The following DOCK5 variants were observed in gnomAD, a reference collection of about 807,000 sequenced individuals.
DOCK5 encodes the protein dedicator of cytokinesis protein 5.
DOCK5 carries 142 observed loss-of-function variants against 251.8 expected under a neutral mutation model. The ratio of observed to expected loss-of-function variants is 0.56; its 90% CI spans 0.49 to 0.65. DOCK5 has a LOEUF of 0.65. DOCK5 is among the 30% of genes least tolerant of loss of function. DOCK5 has a pLI of 0.00. For synonymous variants in DOCK5, 842 were observed against 835.5 expected, an observed-to-expected ratio of 1.01 and a Z score of -0.13; for missense variants, 2,111 against 2,312.3, an observed-to-expected ratio of 0.91 and a Z score of 1.79.
At chr8:25,227,678 G>A (rs909625877) in intron 1 of DOCK5, among the ~76,000 whole-genome samples, 18 of 152,020 alleles carry the variant, frequency 1.2e-4, no homozygotes, top group African/African-American at 3.9e-4. Flanking sequence ...GTCCAAGTGA[G>A]GTTCTAATCC....
At chr8:25,195,735 C>T (rs919360223) in intron 1 of DOCK5, among the ~76,000 whole-genome samples, 2 of 152,164 alleles carry the variant, frequency 1.3e-5, no homozygotes, top group Non-Finnish European at 2.9e-5. Context: ...ATGATCCCAC[C>T]TCCTTGCTGA....
chr8:25,280,245 G>A (rs1449115314), intron 5 of DOCK5, among the ~76,000 whole-genome samples: 1 of 152,160 alleles, frequency 6.6e-6, no homozygotes, highest in Admixed American at 6.5e-5. Context: ...GACCAGACTT[G>A]ATGGCCTGGG....
intron 47 of DOCK5, among the ~76,000 whole-genome samples, chr8:25,402,548 G>A (rs1471368940): frequency 2.6e-5 from 4 of 151,608 alleles, no homozygotes; most frequent in East Asian, 1.9e-4. Context: ...CGCCTGCCTC[G>A]GCCTCCCAAA....
rs138581420 is a variant in DOCK5 at position 25,364,243 on chromosome 8, T to C, written c.3045-383T>C. Among the ~76,000 whole-genome samples, 138 of 152,340 alleles carry C rather than the reference T, an allele frequency of 9.1e-4. 1 individual carries two copies. In the Middle Eastern group the frequency reaches 0.017, roughly 19 times the overall value. On this transcript the variant is annotated intron_variant, in intron 29 of 51. Coordinates refer to ENST00000276440, the MANE Select transcript of DOCK5 (RefSeq NM_024940.8). The stretch of plus-strand genomic sequence containing the variant: ...GAGTAATTCTACTCTAACACCTGAT[T>C]AGAAGAAGCCTTCTCTGCTATGTAC...
At chr8:25,385,852 ATACAG>A (rs1302551408) in intron 40 of DOCK5, among the ~76,000 whole-genome samples, 7 of 152,216 alleles carry the variant, frequency 4.6e-5, no homozygotes, top group African/African-American at 1.7e-4. Context: ...ACAATTTTAA[ATACAG>A]TAAACAAGAA....
At position 25,396,263 on chromosome 8, in the gene DOCK5, C is replaced by T. The variant is rs767422034; in HGVS notation, c.4704+544C>T. On this transcript the variant is annotated intron_variant, in intron 45 of 51. Transcript: ENST00000276440. ...GGCATGATGGTGCATGCCTGTAGTC[C>T]GAGCTACTCAGGAGGCTGAGGCACG... Among the ~76,000 whole-genome samples, 6 of 152,260 alleles carry T rather than the reference C, an allele frequency of 3.9e-5. No homozygotes were observed. In the East Asian group the frequency reaches 5.8e-4, roughly 15 times the overall value.
chr8:25,384,466 T>TACTTA (rs111515435), intron 40 of DOCK5, among the ~76,000 whole-genome samples: 1 of 129,990 alleles, frequency 7.7e-6, no homozygotes, highest in Non-Finnish European at 1.6e-5. Context: ...TTTATTTATT[T>TACTTA]TTTTTTTTTT....
In DOCK5 at chr8:25,350,673, G is replaced by A. The variant is rs893308066; in HGVS notation, c.2755-1058G>A. ...GAGTTTCTGAGATCAGGGTGCCAGC[G>A]TGGTTAAGTTTTGGTTAGGTCTCTC... On this transcript the variant is annotated intron_variant, in intron 26 of 51. Coordinates refer to ENST00000276440, the MANE Select transcript of DOCK5 (RefSeq NM_024940.8). 5.3e-5 allele frequency among the ~76,000 whole-genome samples: 8 copies of A among 152,194 alleles called. No homozygotes were observed. The East Asian group carries it at 1.2e-3, about 22-fold the overall frequency.
rs17053341 is a variant in DOCK5, at chr8:25,299,086, A to G, written c.749A>G (p.Gln250Arg). 10,691 of 1,612,994 alleles carry G rather than the reference A, an allele frequency of 6.6e-3. 616 individuals carry two copies. In the African/African-American group the frequency reaches 0.12, roughly 19 times the overall value. Reference protein sequence around the residue: ...ELFMALYDPDQSTFISENYLI... With the variant: ...ELFMALYDPDRSTFISENYLI... ...TTTATGGCCCTCTACGACCCAGACC[A>G]GTCCACTTTTATCAGGTAGCAGAGA... The change falls in exon 8 of 52, where the codon CAG (glutamine) becomes CGG (arginine). Residue 250 changes from glutamine (Q) to arginine (R), a missense_variant. Transcript: ENST00000276440.
chr8:25,243,160 C>T (rs1338804798), intron 1 of DOCK5, among the ~76,000 whole-genome samples: 3 of 152,146 alleles, frequency 2.0e-5, no homozygotes, highest in African/African-American at 7.2e-5. Context: ...ATGTGATTTG[C>T]CCCTCTATCA....
intron 7 of DOCK5, 112 bp downstream of exon 7, chr8:25,296,760 C>A: frequency 7.2e-7 from 1 of 1,385,554 alleles, no homozygotes; most frequent in Non-Finnish European, 9.8e-7. Flanking sequence ...AGTTTTCGTC[C>A]TCATTTTAAA....
chr8:25,188,692 A>G (rs1277364460), intron 1 of DOCK5, among the ~76,000 whole-genome samples: 2 of 152,306 alleles, frequency 1.3e-5, no homozygotes, highest in East Asian at 1.9e-4. Context: ...TCTGTGTGTT[A>G]TCAAGTGAAG....
At chr8:25,223,701 G>A (rs1802449815) in intron 1 of DOCK5, among the ~76,000 whole-genome samples, 2 of 152,230 alleles carry the variant, frequency 1.3e-5, no homozygotes, top group African/African-American at 4.8e-5. Context: ...TTATTGTCAA[G>A]AGAGGTAACT....
At chr8:25,334,291 T>A (rs1805749632) in intron 21 of DOCK5, 95 bp downstream of exon 21, 1 of 1,003,812 alleles carries the variant, frequency 1.0e-6, no homozygotes, top group Admixed American at 1.8e-5. Flanking sequence ...CTATTACTAT[T>A]CAGTAAATAC....
intron 48 of DOCK5, among the ~76,000 whole-genome samples, chr8:25,406,701 C>T (rs1199906675): frequency 3.3e-5 from 5 of 151,772 alleles, no homozygotes; most frequent in East Asian, 1.9e-4. Flanking sequence ...AATCTCGGCT[C>T]GCTGCAACCT....
intron 14 of DOCK5, among the ~76,000 whole-genome samples, chr8:25,318,592 CT>C (rs546657586): frequency 0.027 from 2,386 of 88,184 alleles, 40 homozygotes; most frequent in Non-Finnish European, 0.037. Context: ...TTCTTTCCTT[CT>C]TTTTTTTTTT....
chr8:25,265,862 A>G (rs1803731617), intron 2 of DOCK5, among the ~76,000 whole-genome samples: 1 of 151,852 alleles, frequency 6.6e-6, no homozygotes, highest in Non-Finnish European at 1.5e-5. Flanking sequence ...GATTTAAAGT[A>G]AATAATTTTG....
chr8:25,366,866 A>G lies in DOCK5; in HGVS notation c.3124-4A>G. The G allele has an allele frequency of 1.2e-6, 2 of 1,611,684 alleles. No homozygotes were observed. Among genetic ancestry groups the G allele is most frequent in the Non-Finnish European group, 1.7e-6 (2 of 1,178,436 alleles). On this transcript the variant is annotated splice_polypyrimidine_tract_variant and splice_region_variant and intron_variant, in intron 30 of 51. Transcript: ENST00000276440. Reference sequence around the variant, plus strand: ...CCTTTACCCACACAATTAATTTTGAACAGCTCTGGAACAATTACTTCCATT... The same window carrying G: ...CCTTTACCCACACAATTAATTTTGAGCAGCTCTGGAACAATTACTTCCATT...
At chr8:25,252,495 C>T (rs902281576) in intron 2 of DOCK5, among the ~76,000 whole-genome samples, 4 of 152,326 alleles carry the variant, frequency 2.6e-5, no homozygotes, top group Admixed American at 2.6e-4. Flanking sequence ...AGCCTAACAG[C>T]TTGGATTTTA....
Sources: gnomAD v4.1 joint callset for allele counts (sites outside exome capture counted in the v4.1 genomes callset) on GRCh38, gnomAD v4.1.1 for gene constraint, MANE v1.5 for transcripts, NCBI Gene and HGNC (gene_info 2026-07-23, HGNC 2026-07-21) for gene names.